NHSL2: variants seen among roughly 807,000 people sequenced by gnomAD.
NHSL2 encodes NHS-like protein 2.
Under a neutral mutation model 53.4 loss-of-function variants are expected in NHSL2, and 27 were observed. That is an observed-to-expected ratio of 0.51 (90% CI 0.37 to 0.70). The LOEUF is 0.70. Ranked by LOEUF, NHSL2 falls within the 30% of genes least tolerant of loss-of-function variation. The pLI is 0.00. For synonymous variants in NHSL2, 408 were observed against 404.1 expected (o/e 1.01, Z -0.12); for missense variants, 892 against 980.1 (o/e 0.91, Z 1.20).
chrX:72,056,839 C>T (rs1217077932), intron 1 of NHSL2, among the ~76,000 whole-genome samples: 1 of 112,807 alleles, frequency 8.9e-6, no homozygotes, highest in African/African-American at 3.2e-5. Flanking sequence ...TGTCTGGTCT[C>T]TATGGCAGCT....
chrX:72,122,572 T>G (rs1390448878), intron 1 of NHSL2, among the ~76,000 whole-genome samples: 1 of 90,076 alleles, frequency 1.1e-5, no homozygotes, highest in African/African-American at 4.9e-5. Flanking sequence ...AAAGTGAAAT[T>G]ACTAAGTCAA....
chrX:72,087,670 G>C (rs2041860844), intron 1 of NHSL2, among the ~76,000 whole-genome samples: 1 of 111,128 alleles, frequency 9.0e-6, no homozygotes, highest in Non-Finnish European at 1.9e-5. Flanking sequence ...AGGAGTTCAA[G>C]ACCAGCCTGG....
chrX:72,137,202 C>T lies in NHSL2; in HGVS notation c.869C>T (p.Ser290Phe). The change falls in exon 5 of 8, where the codon TCT becomes TTT. Residue 290 changes from serine (S) to phenylalanine (F), a missense_variant. Ser to Phe is a radical substitution (Grantham distance 155, BLOSUM62 -2). Coordinates refer to ENST00000633930, the MANE Select transcript of NHSL2 (RefSeq NM_001013627.3). ...LRRRRTIIGF[S>F]NFSQRDQGHS... Reference sequence around the variant, plus strand: ...CGGAGGCGGACCATTATTGGATTCTCTAACTTTTCCCAGCGAGACCAAGGT... The same window carrying T: ...CGGAGGCGGACCATTATTGGATTCTTTAACTTTTCCCAGCGAGACCAAGGT... 1 of 1,167,306 alleles carries T rather than the reference C, an allele frequency of 8.6e-7. No individual in the cohort carries two copies. Among genetic ancestry groups the T allele is most frequent in the Non-Finnish European group, 1.1e-6 (1 of 872,538 alleles).
At position 72,038,921 on chromosome X, in the gene NHSL2, G is replaced by A. The variant is rs2042255871; in HGVS notation, c.281-93158G>A. Among the ~76,000 whole-genome samples the A allele has an allele frequency of 2.7e-5, 3 of 111,558 alleles. No homozygotes were observed. In the Admixed American group the frequency reaches 2.9e-4, roughly 11 times the overall value. On this transcript the variant is annotated intron_variant, in intron 1 of 7. Transcript: ENST00000633930. The stretch of plus-strand genomic sequence containing the variant: ...ACCAAGAAAGCAGAGAGGGTGATTA[G>A]CTGTGAGAAAAAAAACATACAGAGG...
intron 1 of NHSL2, chrX:72,130,994 C>T (rs1466552174): frequency 8.3e-7 from 1 of 1,209,200 alleles, no homozygotes; most frequent in Non-Finnish European, 1.1e-6. Context: ...TCGGCGCCCC[C>T]GGGGAAATGA....
chrX:71,992,014 A>AC (rs2042029760), intron 1 of NHSL2, among the ~76,000 whole-genome samples: 1 of 113,139 alleles, frequency 8.8e-6, no homozygotes, highest in African/African-American at 3.2e-5. Flanking sequence ...CAGGCAAGGC[A>AC]CAGCTCACTG....
intron 1 of NHSL2, among the ~76,000 whole-genome samples, chrX:72,039,246 A>G (rs1312542893): frequency 9.1e-6 from 1 of 109,844 alleles, no homozygotes; most frequent in Non-Finnish European, 1.9e-5. Flanking sequence ...CTCAACCTGA[A>G]TTTGCGGCTT....
intron 1 of NHSL2, among the ~76,000 whole-genome samples, chrX:71,988,418 G>A (rs1288244240): frequency 3.6e-5 from 4 of 111,501 alleles, no homozygotes; most frequent in African/African-American, 1.3e-4. Flanking sequence ...TGCCAAACTC[G>A]TTCTTAGTCG....
At chrX:71,941,438 G>A (rs997213464) in intron 1 of NHSL2, among the ~76,000 whole-genome samples, 1 of 111,471 alleles carries the variant, frequency 9.0e-6, no homozygotes, top group Non-Finnish European at 1.9e-5. Context: ...AAGCAGAATG[G>A]TTAAGGGGCT....
Position 72,151,030 on chromosome X carries a change from T to A in NHSL2, c.*7456T>A, listed in dbSNP as rs1289138263. ...TTGGATAATGTAAACCACTCTCTTT[T>A]TTTTTGACAGAGTCTCTCTCTGTAG... On this transcript the variant is annotated 3_prime_UTR_variant, in exon 8 of 8. Transcript: ENST00000633930. The A allele has an allele frequency of 9.0e-6, 1 of 111,503 alleles. No homozygotes were observed. The highest frequency in any genetic ancestry group is 1.9e-5 in the Non-Finnish European group (1 of 53,100). 9.2% of individuals were successfully genotyped at this position (111,503 alleles called of 1,213,427 possible).
chrX:71,962,108 A>C (rs766003236), intron 1 of NHSL2, among the ~76,000 whole-genome samples: 1 of 112,252 alleles, frequency 8.9e-6, no homozygotes, highest in East Asian at 2.8e-4. Flanking sequence ...TATTAATATG[A>C]CATATTTCAG....
intron 1 of NHSL2, among the ~76,000 whole-genome samples, chrX:72,046,990 A>C (rs981070520): frequency 2.7e-5 from 3 of 112,267 alleles, no homozygotes; most frequent in Non-Finnish European, 5.6e-5. Flanking sequence ...CACAAAGCTA[A>C]TAAGTGGCAG....
intron 1 of NHSL2, among the ~76,000 whole-genome samples, chrX:72,097,635 C>G (rs182038569): frequency 8.9e-6 from 1 of 111,937 alleles, no homozygotes; most frequent in Non-Finnish European, 1.9e-5. Flanking sequence ...CCTTCGGAAG[C>G]TATTATCTGC....
chrX:71,911,633 C>T (rs887037831), intron 1 of NHSL2, among the ~76,000 whole-genome samples: 1 of 112,644 alleles, frequency 8.9e-6, no homozygotes, highest in Admixed American at 9.2e-5. Flanking sequence ...GGGTTGGTGG[C>T]CGCCTCCTGG....
intron 1 of NHSL2, among the ~76,000 whole-genome samples, chrX:71,967,074 G>C (rs899946800): frequency 8.9e-6 from 1 of 111,743 alleles, no homozygotes; most frequent in Non-Finnish European, 1.9e-5. Flanking sequence ...GAATTTGTGG[G>C]CATAGAGTTG....
chrX:71,932,529 G>A (rs2041718637), intron 1 of NHSL2, among the ~76,000 whole-genome samples: 1 of 111,474 alleles, frequency 9.0e-6, no homozygotes, highest in Admixed American at 9.5e-5. Flanking sequence ...CGTAGTCCGA[G>A]AGAGAGATGA....
chrX:71,940,159 G>A (rs190589402), intron 1 of NHSL2, among the ~76,000 whole-genome samples: 1 of 112,050 alleles, frequency 8.9e-6, no homozygotes, highest in Admixed American at 9.5e-5. Flanking sequence ...AATCAGGAGA[G>A]AACACAGCAT....
intron 1 of NHSL2, among the ~76,000 whole-genome samples, chrX:71,953,844 G>A (rs189668434): frequency 1.8e-4 from 20 of 112,023 alleles, no homozygotes; most frequent in East Asian, 1.4e-3. Flanking sequence ...AGGCAGAAAT[G>A]GTGTGCCTAA....
At chrX:72,096,784 T>A (rs1013903551) in intron 1 of NHSL2, among the ~76,000 whole-genome samples, 1 of 111,479 alleles carries the variant, frequency 9.0e-6, no homozygotes, top group Admixed American at 9.5e-5. Context: ...ATCATTTGGG[T>A]TTTTTAATTC....
Sources: allele counts gnomAD v4.1 joint callset (sites outside exome capture counted in the v4.1 genomes callset), GRCh38; gene constraint gnomAD v4.1.1; transcripts MANE v1.5; gene names NCBI Gene and HGNC (gene_info 2026-07-23, HGNC 2026-07-21).